The following DNAJB6 variants were observed in gnomAD, a reference collection of about 807,000 sequenced individuals.
DNAJB6 encodes DnaJ heat shock protein family (Hsp40) member B6, also known as dnaJ homolog subfamily B member 6.
In DNAJB6, 16 loss-of-function variants were observed where a neutral mutation model predicts 42.7. The ratio of observed to expected loss-of-function variants is 0.37; its 90% confidence interval spans 0.25 to 0.57. DNAJB6 has a LOEUF of 0.57. DNAJB6 is among the 20% of genes least tolerant of loss of function. The pLI is 0.74. For missense variants in DNAJB6, 347 were observed against 416.8 expected (o/e 0.83, Z 1.46); for synonymous variants, 170 against 163.5 (o/e 1.04, Z -0.30).
chr7:157,364,950 T>C (rs1799773309), intron 3 of DNAJB6, among the ~76,000 whole-genome samples: 1 of 152,248 alleles, frequency 6.6e-6, no homozygotes, highest in Non-Finnish European at 1.5e-5. Context: ...TGTGAGATTT[T>C]CTTCTACTTT....
rs150583876 is a variant in DNAJB6 at position 157,358,620 on chromosome 7, C to A, written c.48C>A (p.Pro16=). 4.1e-5 allele frequency: 66 copies of A among 1,613,110 alleles called. 1 individual carries two copies. The South Asian group carries it at 6.6e-4, about 16-fold the overall frequency. Residue 16 remains proline, a synonymous_variant, in exon 2 of 10, where the codon CCC becomes CCA. Coordinates refer to ENST00000262177, the MANE Select transcript of DNAJB6 (RefSeq NM_058246.4). Reference sequence around the variant, plus strand: ...TAGGCGTGCAGAGACATGCCTCACCCGAGGATATTAAAAAGGCGTAAGTAG... The same window carrying A: ...TAGGCGTGCAGAGACATGCCTCACCAGAGGATATTAAAAAGGCGTAAGTAG... ...EVLGVQRHAS[P]EDIKKAYRKL...
At chr7:157,408,236 T>C (rs1388737221) in intron 8 of DNAJB6, among the ~76,000 whole-genome samples, 2 of 151,854 alleles carry the variant, frequency 1.3e-5, no homozygotes, top group Non-Finnish European at 2.9e-5. Context: ...GACAATGGGG[T>C]GTCATAGGTC....
intron 5 of DNAJB6, among the ~76,000 whole-genome samples, chr7:157,369,893 AACATTATTAT>A (rs1563128509): frequency 2.7e-5 from 4 of 148,832 alleles, no homozygotes; most frequent in African/African-American, 1.0e-4. Context: ...GCCCCTTCTC[AACATTATTAT>A]TAAACAGGCC....
intron 2 of DNAJB6, 139 bp from the exon 3 acceptor site, chr7:157,363,022 G>A: frequency 1.8e-6 from 1 of 551,938 alleles, no homozygotes. Flanking sequence ...AGAGGAAAGG[G>A]AGGTTTTACA....
At position 157,343,136 on chromosome 7, in the gene DNAJB6, C is replaced by T. The variant is rs138534359; in HGVS notation, c.-27+5992C>T. 4.3e-3 allele frequency among the ~76,000 whole-genome samples: 645 copies of T among 150,756 alleles called. 5 individuals are homozygous for T. Among genetic ancestry groups the T allele is most frequent in the African/African-American group, 0.015 (615 of 40,862 alleles). On this transcript the variant is annotated intron_variant, in intron 1 of 9. Transcript: ENST00000262177. The stretch of plus-strand genomic sequence containing the variant: ...CCTTCTTTCTGAGTAGCTGGGATTA[C>T]AGATGTGCACCACCACACCCAGGTA...
intron 2 of DNAJB6, among the ~76,000 whole-genome samples, chr7:157,359,376 T>G (rs1441424114): frequency 6.6e-6 from 1 of 152,216 alleles, no homozygotes; most frequent in Non-Finnish European, 1.5e-5. Flanking sequence ...TCATTTTGCT[T>G]AATTTTTAAA....
At chr7:157,398,362 C>T (rs1000594606) in intron 8 of DNAJB6, among the ~76,000 whole-genome samples, 6 of 152,094 alleles carry the variant, frequency 3.9e-5, no homozygotes, top group Non-Finnish European at 2.9e-5. Context: ...AGCGACTAAC[C>T]CCCCTCTCTC....
intron 8 of DNAJB6, among the ~76,000 whole-genome samples, chr7:157,392,522 G>C (rs188487278): frequency 6.6e-6 from 1 of 152,074 alleles, no homozygotes. Context: ...ATTTGGAAAG[G>C]TTGTTGTGTG....
rs1584886030 is a variant in DNAJB6 at position 157,351,739 on chromosome 7, A to G, written c.-26-6808A>G. On this transcript the variant is annotated intron_variant, in intron 1 of 9. Coordinates refer to ENST00000262177, the MANE Select transcript of DNAJB6 (RefSeq NM_058246.4). ...AGCACTTTGGTAGGCCAAGGTGGACAGATCACCTGAGGTCAGGAGTTTGAA... is the reference window on the plus strand; with the variant it reads ...AGCACTTTGGTAGGCCAAGGTGGACGGATCACCTGAGGTCAGGAGTTTGAA... 2.6e-5 allele frequency among the ~76,000 whole-genome samples: 4 copies of G among 152,294 alleles called. No homozygotes were observed. The East Asian group carries it at 7.7e-4, about 29-fold the overall frequency.
At chr7:157,412,756 C>CGTCCCTGAATCGAGCAGGTCCT (rs1796013642) in intron 9 of DNAJB6, 1 of 152,270 alleles carries the variant, frequency 6.6e-6, no homozygotes. Flanking sequence ...CCGTCTGACC[C>CGTCCCTGAATCGAGCAGGTCCT]GTCCCTGAAT....
intron 8 of DNAJB6, among the ~76,000 whole-genome samples, chr7:157,403,156 C>T (rs1366865830): frequency 6.6e-6 from 1 of 152,196 alleles, no homozygotes; most frequent in Non-Finnish European, 1.5e-5. Flanking sequence ...TAAGACGAAT[C>T]ATTGCATTCT....
chr7:157,397,453 C>T (rs964436387), intron 8 of DNAJB6, among the ~76,000 whole-genome samples: 5 of 152,226 alleles, frequency 3.3e-5, no homozygotes, highest in Non-Finnish European at 7.3e-5. Flanking sequence ...ATGCCAACCC[C>T]AGCAGGGCTT....
At chr7:157,340,997 T>TGTGTGCGCGC (rs902019051) in intron 1 of DNAJB6, among the ~76,000 whole-genome samples, 13 of 118,392 alleles carry the variant, frequency 1.1e-4, no homozygotes, top group African/African-American at 2.8e-4. Flanking sequence ...TGTGTGTGTG[T>TGTGTGCGCGC]GCGCGCGCGC....
chr7:157,386,058 T>C, intron 8 of DNAJB6: 1 of 986,688 alleles, frequency 1.0e-6, no homozygotes, highest in Non-Finnish European at 1.2e-6. Flanking sequence ...CAGAAATAAT[T>C]TCAATTTTTT....
At chr7:157,383,446 A>G (rs1800888516) in intron 6 of DNAJB6, among the ~76,000 whole-genome samples, 1 of 152,212 alleles carries the variant, frequency 6.6e-6, no homozygotes, top group African/African-American at 2.4e-5. Context: ...CATCTAGGTA[A>G]GTAGTGAATT....
chr7:157,392,698 G>T (rs1311792665), intron 8 of DNAJB6, among the ~76,000 whole-genome samples: 1 of 152,176 alleles, frequency 6.6e-6, no homozygotes, highest in Non-Finnish European at 1.5e-5. Flanking sequence ...AATGAAAGGT[G>T]CAGTCAGTGC....
intron 6 of DNAJB6, 157 bp downstream of exon 6, chr7:157,382,534 C>T: frequency 6.2e-6 from 3 of 481,918 alleles, no homozygotes; most frequent in Non-Finnish European, 9.6e-6. Flanking sequence ...CAGGTCTGCG[C>T]TTAACCTACA....
intron 8 of DNAJB6, among the ~76,000 whole-genome samples, chr7:157,394,802 C>A (rs113560178): frequency 1.0e-3 from 156 of 151,942 alleles, no homozygotes; most frequent in African/African-American, 3.5e-3. Flanking sequence ...AGCTTAGAAC[C>A]ATACAGAAAG....
chr7:157,352,080 C>G (rs530115425), intron 1 of DNAJB6, among the ~76,000 whole-genome samples: 1 of 151,818 alleles, frequency 6.6e-6, no homozygotes, highest in East Asian at 2.0e-4. Context: ...GCCTGTATTC[C>G]CAGCACTTTA....
Sources: allele counts gnomAD v4.1 joint callset (sites outside exome capture counted in the v4.1 genomes callset), GRCh38; gene constraint gnomAD v4.1.1; transcripts MANE v1.5; gene names NCBI Gene and HGNC (gene_info 2026-07-23, HGNC 2026-07-21).